The following L3MBTL1 variants were observed in gnomAD, a reference collection of about 807,000 sequenced individuals.
L3MBTL1 encodes L3MBTL histone methyl-lysine binding protein 1, also known as lethal(3)malignant brain tumor-like protein 1.
In L3MBTL1, 75 loss-of-function variants were observed where a neutral mutation model predicts 105.3. The ratio of observed to expected loss-of-function variants is 0.71; its 90% CI spans 0.59 to 0.86. The LOEUF (loss-of-function observed/expected upper bound fraction) is 0.86, where lower values mean the gene tolerates loss of function less well. Among genes scored for constraint, L3MBTL1 ranks in the 40% least tolerant of loss-of-function variants. The probability of loss-of-function intolerance (pLI) is 0.00; values close to 1 mark genes in which losing one functional copy is unlikely to be tolerated. For missense variants in L3MBTL1, 1,069 were observed against 1,126.4 expected (o/e 0.95, Z 0.73); for synonymous variants, 452 against 436.2 (o/e 1.04, Z -0.45).
At position 43,533,400 on chromosome 20, in the gene L3MBTL1, C is replaced by G; in HGVS notation, c.1495C>G (p.Pro499Ala). 6.2e-7 allele frequency: 1 copy of G among 1,613,438 alleles called. No individual in the cohort carries two copies. Among genetic ancestry groups the G allele is most frequent in the Non-Finnish European group, 8.5e-7 (1 of 1,179,762 alleles). ...GGGCTGGTGCCAGAAGCAAGGAAAG[C>G]CCCTCACCCCTCCACAAGGTGACCC... ...PVGWCQKQGKPLTPPQDYPDP... is the reference protein window; with the variant it reads ...PVGWCQKQGKALTPPQDYPDP... The change falls in exon 13 of 22, where the codon CCC (proline) becomes GCC (alanine). Residue 499 changes from proline (P) to alanine (A), a missense_variant. Physicochemically the swap from Pro to Ala is conservative, Grantham distance 27. Coordinates refer to ENST00000418998, the MANE Select transcript of L3MBTL1 (RefSeq NM_001377303.1).
intron 19 of L3MBTL1, among the ~76,000 whole-genome samples, chr20:43,538,113 A>G (rs980788724): frequency 1.3e-5 from 2 of 152,194 alleles, no homozygotes; most frequent in African/African-American, 4.8e-5. Flanking sequence ...GAACAGAAGC[A>G]GTTTCTTCAG....
At chr20:43,535,035 A>G in intron 16 of L3MBTL1, 93 bp downstream of exon 16, 1 of 792,108 alleles carries the variant, frequency 1.3e-6, no homozygotes, top group East Asian at 2.7e-5. Flanking sequence ...CCCCATGCCC[A>G]AATATGACAC....
rs1411780092 is a variant in L3MBTL1 at position 43,534,015 on chromosome 20, A to C, written c.1521A>C (p.Pro507=). The part of the protein sequence containing the change: ...GKPLTPPQDY[P]DPDNFCWEKY... ...TCTCATCCTCTCCTCCAGACTACCC[A>C]GACCCTGATAACTTCTGTTGGGAGA... The change falls in exon 14 of 22, where the codon CCA becomes CCC. Residue 507 remains proline (P), a synonymous_variant. Coordinates refer to ENST00000418998, the MANE Select transcript of L3MBTL1 (RefSeq NM_001377303.1). 2 of 1,613,652 alleles carry C rather than the reference A, an allele frequency of 1.2e-6. No individual in the cohort carries two copies. The highest frequency in any genetic ancestry group is 1.3e-5 in the African/African-American group (1 of 74,920).
rs557026306 is a variant in L3MBTL1 at position 43,536,560 on chromosome 20, C to T, written c.2173+102C>T. The T allele has an allele frequency of 4.9e-4, 672 of 1,364,350 alleles. No homozygotes were observed. The highest frequency in any genetic ancestry group is 6.8e-4 in the Non-Finnish European group (650 of 961,666). The allele number at this position is 1,364,350 out of a possible 1,614,324, so 84.5% of individuals were successfully genotyped here. On this transcript the variant is annotated intron_variant, in intron 19 of 21. Coordinates refer to ENST00000418998, the MANE Select transcript of L3MBTL1 (RefSeq NM_001377303.1). ...GACAGATTTCCCAGAGTGGGAGAAG[C>T]TAGAAGGAGGGCTGTGCCTCTTCGT...
intron 3 of L3MBTL1, 80 bp downstream of exon 3, chr20:43,514,141 A>T: frequency 5.6e-6 from 7 of 1,241,970 alleles, no homozygotes; most frequent in Non-Finnish European, 7.9e-6. Flanking sequence ...GCTGGACCTG[A>T]GACGGAAGTG....
chr20:43,548,574 G>A (rs1031016584), exon 19 of L3MBTL1: 27 of 176,938 alleles, frequency 1.5e-4, no homozygotes, highest in African/African-American at 3.6e-4. Context: ...TTTCTTGGCA[G>A]TGGAGGAGAG....
intron 19 of L3MBTL1, among the ~76,000 whole-genome samples, chr20:43,538,683 A>G (rs773299479): frequency 1.3e-5 from 2 of 152,210 alleles, no homozygotes; most frequent in Admixed American, 6.5e-5. Context: ...CTGACCTGCA[A>G]CTGGATGGTC....
At position 43,535,854 on chromosome 20, in the gene L3MBTL1, T is replaced by G; in HGVS notation, c.1843T>G (p.Ser615Ala). Reference protein sequence around the residue: ...QPPLGPREPSSASPGGCPPLS... With the variant: ...QPPLGPREPSAASPGGCPPLS... Reference sequence around the variant, plus strand: ...TCTTTTAGGACCCAGAGAGCCCAGCTCTGCCTCCCCTGGGGGCTGTCCCCC... The same window carrying G: ...TCTTTTAGGACCCAGAGAGCCCAGCGCTGCCTCCCCTGGGGGCTGTCCCCC... The change falls in exon 17 of 22, where the codon TCT becomes GCT. Residue 615 changes from serine (S) to alanine (A), a missense_variant. By Grantham distance (99) the Ser-to-Ala change is moderately conservative (BLOSUM62 1). Coordinates refer to ENST00000418998, the MANE Select transcript of L3MBTL1 (RefSeq NM_001377303.1). 6.2e-7 allele frequency: 1 copy of G among 1,601,334 alleles called. No homozygotes were observed. Among genetic ancestry groups the G allele is most frequent in the East Asian group, 2.2e-5 (1 of 44,722 alleles).
At chr20:43,520,108 C>T (rs1448982294) in intron 7 of L3MBTL1, among the ~76,000 whole-genome samples, 2 of 152,128 alleles carry the variant, frequency 1.3e-5, no homozygotes, top group Non-Finnish European at 2.9e-5. Flanking sequence ...CAGCAGTCTG[C>T]TTTCTGTATA....
rs777130254 is a variant in L3MBTL1, at chr20:43,530,431, C to T, written c.1192+12C>T. On this transcript the variant is annotated intron_variant, in intron 10 of 21. Coordinates refer to ENST00000418998, the MANE Select transcript of L3MBTL1 (RefSeq NM_001377303.1). ...GCAGCCTCCCAAAGGTAAGGCCTAGCTGGGTTGGTCACAGTGAGGCAGTGA... is the reference window on the plus strand; with the variant it reads ...GCAGCCTCCCAAAGGTAAGGCCTAGTTGGGTTGGTCACAGTGAGGCAGTGA... 1.5e-5 allele frequency: 24 copies of T among 1,612,828 alleles called. No homozygotes were observed. Among genetic ancestry groups the T allele is most frequent in the Middle Eastern group, 3.3e-4 (2 of 6,070 alleles).
Position 43,534,819 on chromosome 20 carries a change from C to T in L3MBTL1, c.1711-9C>T, listed in dbSNP as rs1454468195. The T allele has an allele frequency of 1.2e-6, 2 of 1,600,764 alleles. No homozygotes were observed. The highest frequency in any genetic ancestry group is 3.5e-5 in the Admixed American group (2 of 57,810). The stretch of plus-strand genomic sequence containing the variant: ...AAACGCCTGACTTCCAAGAGCCTTT[C>T]CTCCCCAGATCCACTTTGATGGCTG... On this transcript the variant is annotated splice_polypyrimidine_tract_variant and intron_variant, in intron 15 of 21. Transcript: ENST00000418998.
At chr20:43,548,402 A>T (rs1978770483) in exon 19 of L3MBTL1, 1 of 581,708 alleles carries the variant, frequency 1.7e-6, no homozygotes, top group Admixed American at 3.8e-5. Context: ...GGAGCTGAGG[A>T]GCCCTGGGGA....
intron 7 of L3MBTL1, among the ~76,000 whole-genome samples, chr20:43,527,528 G>T (rs577149985): frequency 8.2e-5 from 12 of 146,654 alleles, no homozygotes; most frequent in African/African-American, 3.1e-4. Flanking sequence ...CTGGGCTGTA[G>T]GTCCTGACCA....
At chr20:43,529,195 A>AC (rs991607346) in intron 8 of L3MBTL1, 69 bp from the exon 9 acceptor site, 122 of 1,237,756 alleles carry the variant, frequency 9.9e-5, no homozygotes, top group Non-Finnish European at 1.3e-4. Context: ...CAGCTCCTTC[A>AC]CCCCAAGCCC....
In L3MBTL1 at chr20:43,536,237, C is replaced by T. The variant is rs112419239; in HGVS notation, c.2066C>T (p.Ala689Val). 2.5e-6 allele frequency: 4 copies of T among 1,612,376 alleles called. No individual in the cohort carries two copies. The highest frequency in any genetic ancestry group is 2.7e-5 in the African/African-American group (2 of 75,036). Residue 689 changes from alanine to valine, a missense_variant, in exon 18 of 22, where the codon GCC (alanine) becomes GTC (valine). Physicochemically the swap from Ala to Val is moderately conservative, Grantham distance 64. Coordinates refer to ENST00000418998, the MANE Select transcript of L3MBTL1 (RefSeq NM_001377303.1). Reference sequence around the variant, plus strand: ...GAGCTGTCTGACTCGGAGGCCTCAGCCCGCAAGAAGAACCTCTCAGGCTTC... The same window carrying T: ...GAGCTGTCTGACTCGGAGGCCTCAGTCCGCAAGAAGAACCTCTCAGGCTTC... ...KAELSDSEAS[A>V]RKKNLSGFSP...
intron 20 of L3MBTL1, 72 bp downstream of exon 20, chr20:43,540,380 G>T: frequency 6.4e-7 from 1 of 1,559,078 alleles, no homozygotes; most frequent in East Asian, 2.2e-5. Flanking sequence ...TGGTGGAAAG[G>T]CCCAGGTCAG....
chr20:43,543,680 A>G (rs1978376218), downstream of L3MBTL1, among the ~76,000 whole-genome samples: 1 of 152,146 alleles, frequency 6.6e-6, no homozygotes, highest in African/African-American at 2.4e-5. Flanking sequence ...CTCTGGCTTA[A>G]CTGATGATTG....
intron 2 of L3MBTL1, 80 bp from the exon 3 acceptor site, chr20:43,513,758 A>C: frequency 6.5e-7 from 1 of 1,533,944 alleles, no homozygotes; most frequent in Non-Finnish European, 8.8e-7. Context: ...CTTCCTTCAC[A>C]TGCCTACACA....
intron 1 of L3MBTL1, among the ~76,000 whole-genome samples, chr20:43,512,504 C>G (rs1478033624): frequency 1.3e-5 from 2 of 152,186 alleles, no homozygotes; most frequent in Non-Finnish European, 2.9e-5. Context: ...CACCACTGTA[C>G]CTACCTTCTG....
Sources: gnomAD v4.1 joint callset for allele counts (sites outside exome capture counted in the v4.1 genomes callset) on GRCh38, gnomAD v4.1.1 for gene constraint, MANE v1.5 for transcripts, NCBI Gene and HGNC (gene_info 2026-07-23, HGNC 2026-07-21) for gene names.